The following FBXW4 variants were observed in gnomAD, a reference collection of about 807,000 sequenced individuals.
FBXW4 encodes F-box/WD repeat-containing protein 4.
Under a neutral mutation model 61.8 loss-of-function variants are expected in FBXW4, and 40 were observed. That is an observed-to-expected ratio of 0.65 (90% confidence interval 0.50 to 0.84). The LOEUF (loss-of-function observed/expected upper bound fraction) is 0.84. Ranked by LOEUF, FBXW4 falls within the 40% of genes least tolerant of loss-of-function variation. The pLI is 0.00. For synonymous variants in FBXW4, 311 were observed against 313.8 expected (o/e 0.99, Z 0.10); for missense variants, 672 against 753.8 (o/e 0.89, Z 1.27).
chr10:101,649,238 A>T (rs564687512), intron 5 of FBXW4, among the ~76,000 whole-genome samples: 1 of 152,064 alleles, frequency 6.6e-6, no homozygotes, highest in Non-Finnish European at 1.5e-5. Context: ...TCTCTCCTCC[A>T]TCAAGTTTGC....
At chr10:101,640,558 C>A (rs988562445) in intron 5 of FBXW4, among the ~76,000 whole-genome samples, 6 of 123,176 alleles carry the variant, frequency 4.9e-5, no homozygotes, top group Non-Finnish European at 7.9e-5. Context: ...GTGGCATGAT[C>A]TTGGCTCACT....
rs762785895 is a variant in FBXW4, at chr10:101,611,687, C to G, written c.1525G>C (p.Gly509Arg). The stretch of plus-strand genomic sequence containing the variant: ...CGTACAACACCGTAGTAGGAGGAAC[C>G]TGTGGCCAGCAGGTGGTTGCCATCT... ...QTDGNHLLAT[G>R]SSYYGVVRLW... The change falls in exon 8 of 9, where the codon GGT becomes CGT. Residue 509 changes from glycine to arginine, a missense_variant. This residue lies in a region of FBXW4 where 312 missense variants were observed against 370.1 expected (regional missense o/e 0.84). Transcript: ENST00000331272. This position sits in a 1 kb window ranked among gnomAD's most constrained non-coding sequence, Gnocchi z 4.9. 1.2e-6 allele frequency: 2 copies of G among 1,614,218 alleles called. No homozygotes were observed. Among genetic ancestry groups the G allele is most frequent in the South Asian group, 1.1e-5 (1 of 91,084 alleles).
intron 6 of FBXW4, among the ~76,000 whole-genome samples, chr10:101,618,173 G>A (rs2134806021): frequency 6.6e-6 from 1 of 152,356 alleles, no homozygotes; most frequent in Middle Eastern, 3.4e-3. Context: ...TAGATGCCCT[G>A]ATACTCACTC....
At position 101,673,635 on chromosome 10, in the gene FBXW4, T is replaced by G. The variant is rs775347207; in HGVS notation, c.860A>C (p.Tyr287Ser). The G allele has an allele frequency of 1.2e-6, 2 of 1,614,120 alleles. No individual in the cohort carries two copies. The highest frequency in any genetic ancestry group is 3.3e-5 in the Admixed American group (2 of 60,024). The change falls in exon 3 of 9, where the codon TAC becomes TCC. Residue 287 changes from tyrosine to serine, a missense_variant. Around this residue, in one of 5 missense-constraint regions of FBXW4, gnomAD observed 312 missense variants for 370.1 expected, o/e 0.84. Coordinates refer to ENST00000331272, the MANE Select transcript of FBXW4 (RefSeq NM_022039.4). ...PWMQLEDDSL[Y>S]ISQANFILAY... ...CAGGATGAAATTAGCCTGGGATATG[T>G]ACAGAGAATCATCCTCTAGCTGCAT...
At chr10:101,644,395 A>G (rs1304122991) in intron 5 of FBXW4, among the ~76,000 whole-genome samples, 4 of 152,240 alleles carry the variant, frequency 2.6e-5, no homozygotes. Context: ...CAGGGTCAGT[A>G]GGCCAAATAG....
At chr10:101,672,884 G>T in intron 4 of FBXW4, 31 bp downstream of exon 4, 1 of 1,612,814 alleles carries the variant, frequency 6.2e-7, no homozygotes, top group Non-Finnish European at 8.5e-7. Context: ...ACAGGAGGGA[G>T]TAATAGTATG....
chr10:101,613,713 C>T (rs180797980), intron 6 of FBXW4, among the ~76,000 whole-genome samples: 172 of 152,306 alleles, frequency 1.1e-3, no homozygotes, highest in Middle Eastern at 6.8e-3. Context: ...TCCCGAAGGC[C>T]GAAGGAATCA....
At chr10:101,638,566 A>T (rs907548723) in intron 5 of FBXW4, among the ~76,000 whole-genome samples, 1 of 151,936 alleles carries the variant, frequency 6.6e-6, no homozygotes, top group Admixed American at 6.6e-5. Context: ...TATTCTATAT[A>T]TTTTAAATTG....
intron 4 of FBXW4, among the ~76,000 whole-genome samples, chr10:101,668,937 C>G (rs1046412055): frequency 1.2e-4 from 19 of 152,148 alleles, no homozygotes; most frequent in African/African-American, 4.6e-4. Flanking sequence ...CTCTTAAGGT[C>G]CCAGCAGTGC....
intron 5 of FBXW4, among the ~76,000 whole-genome samples, chr10:101,631,920 C>T (rs575599990): frequency 9.2e-5 from 14 of 152,298 alleles, no homozygotes; most frequent in African/African-American, 3.1e-4. Context: ...AGCCACCGTG[C>T]CCAGCCATTA....
chr10:101,672,511 C>T (rs963487274), intron 4 of FBXW4, among the ~76,000 whole-genome samples: 13 of 152,240 alleles, frequency 8.5e-5, no homozygotes, highest in African/African-American at 2.9e-4. Flanking sequence ...AGCCTGATTG[C>T]TTATAAACAA....
rs1414117373 is a variant in FBXW4, at chr10:101,611,491, G to T, written c.1585-81C>A. On this transcript the variant is annotated intron_variant, in intron 8 of 8. Transcript: ENST00000331272. The surrounding 1 kb of genome is among the most constrained non-coding windows in gnomAD (Gnocchi z 4.9). ...CCCTAACCCAGGATCCCCAGGCCCA[G>T]GGGAAGAGGGACGTGTGCCATTGTA... 6.4e-7 allele frequency: 1 copy of T among 1,571,680 alleles called. No homozygotes were observed. The highest frequency in any genetic ancestry group is 2.3e-5 in the East Asian group (1 of 44,346).
At position 101,611,306 on chromosome 10, in the gene FBXW4, A is replaced by C; in HGVS notation, c.1689T>G (p.Asp563Glu). The change falls in exon 9 of 9, where the codon GAT becomes GAG. Residue 563 changes from aspartate to glutamate, a missense_variant. Physicochemically the swap from Asp to Glu is conservative, Grantham distance 45 (BLOSUM62 2). Transcript: ENST00000331272. This position sits in a 1 kb window ranked among gnomAD's most constrained non-coding sequence, Gnocchi z 4.9. ...GCCCTGACGGTCATGGGTTTTGAAA[A>C]TCCAGGACGTGGAGGTTGTAAGACA... ...AALSYNLHVL[D>E]FQNP 6.2e-7 allele frequency: 1 copy of C among 1,613,936 alleles called. No homozygotes were observed. Among genetic ancestry groups the C allele is most frequent in the Non-Finnish European group, 8.5e-7 (1 of 1,179,960 alleles).
intron 5 of FBXW4, among the ~76,000 whole-genome samples, chr10:101,638,884 A>G (rs2064026706): frequency 6.6e-6 from 1 of 152,230 alleles, no homozygotes. Context: ...GCTTTCCCCC[A>G]AACTTCTGCT....
chr10:101,617,562 A>G (rs1259207321), intron 6 of FBXW4, among the ~76,000 whole-genome samples: 1 of 152,190 alleles, frequency 6.6e-6, no homozygotes, highest in African/African-American at 2.4e-5. Flanking sequence ...ACAGCCTCTC[A>G]CATGCATGTG....
intron 5 of FBXW4, among the ~76,000 whole-genome samples, chr10:101,640,578 G>C (rs1245610676): frequency 7.8e-6 from 1 of 128,824 alleles, no homozygotes; most frequent in East Asian, 2.5e-4. Flanking sequence ...TGCAACCTCT[G>C]CTTCCTGGGT....
intron 6 of FBXW4, among the ~76,000 whole-genome samples, chr10:101,623,355 C>T (rs2063883026): frequency 6.6e-6 from 1 of 151,946 alleles, no homozygotes; most frequent in Non-Finnish European, 1.5e-5. Context: ...CAAGACCAGC[C>T]TTGGCAATAT....
At chr10:101,628,342 G>T (rs2063923689) in intron 5 of FBXW4, among the ~76,000 whole-genome samples, 1 of 152,212 alleles carries the variant, frequency 6.6e-6, no homozygotes, top group Non-Finnish European at 1.5e-5. Context: ...AAGAGCTGGT[G>T]GCTCCCCAGG....
At chr10:101,677,431 G>A (rs1207205956) in intron 1 of FBXW4, among the ~76,000 whole-genome samples, 5 of 152,036 alleles carry the variant, frequency 3.3e-5, no homozygotes, top group Admixed American at 2.0e-4. Context: ...AAAAGAAATC[G>A]TAGTGTATGA....
Sources: gnomAD v4.1 joint callset for allele counts (sites outside exome capture counted in the v4.1 genomes callset) on GRCh38, gnomAD v4.1.1 for gene constraint, gnomAD v4.1.1 regional missense constraint, Gnocchi (gnomAD v3.1) non-coding constraint, MANE v1.5 for transcripts, NCBI Gene and HGNC (gene_info 2026-07-23, HGNC 2026-07-21) for gene names.